Variants in PDGFD observed in about 807,000 individuals in gnomAD.
PDGFD encodes platelet derived growth factor D.
In PDGFD, 30 loss-of-function variants were observed where a neutral mutation model predicts 44.7. That is an observed-to-expected ratio of 0.67 (90% confidence interval 0.50 to 0.91). The LOEUF (loss-of-function observed/expected upper bound fraction) is 0.91. Among genes scored for constraint, PDGFD ranks in the 40% least tolerant of loss-of-function variants. The probability of loss-of-function intolerance (pLI) is 0.00; values close to 1 mark genes in which losing one functional copy is unlikely to be tolerated. For synonymous variants in PDGFD, 173 were observed against 168.4 expected, an observed-to-expected ratio of 1.03 and a Z score of -0.21; for missense variants, 445 against 457.8, an observed-to-expected ratio of 0.97 and a Z score of 0.25.
intron 1 of PDGFD, among the ~76,000 whole-genome samples, chr11:104,013,982 T>C (rs1859823342): frequency 6.6e-6 from 1 of 152,138 alleles, no homozygotes; most frequent in Admixed American, 6.5e-5. Flanking sequence ...CTAGGTTTTA[T>C]TCAGTAGATA....
intron 1 of PDGFD, among the ~76,000 whole-genome samples, chr11:104,030,651 T>G (rs1431689143): frequency 6.6e-6 from 1 of 152,214 alleles, no homozygotes; most frequent in East Asian, 1.9e-4. Flanking sequence ...ATGCATCCAT[T>G]TGGTTATAGA....
chr11:103,998,279 G>T lies in PDGFD; in HGVS notation c.329+1772C>A, dbSNP rs185363774. ...TGCCTTTTGGAAGTACCTGTTGGGA[G>T]GCCCCGAGGTAGCTTCAGAATGGAG... is the stretch of plus-strand genomic sequence containing the variant. On this transcript the variant is annotated intron_variant, in intron 2 of 6. Coordinates refer to ENST00000393158, the MANE Select transcript of PDGFD (RefSeq NM_025208.5). 5.8e-3 allele frequency among the ~76,000 whole-genome samples: 879 copies of T among 152,170 alleles called. 9 individuals are homozygous for T. The highest frequency in any genetic ancestry group is 0.02 in the African/African-American group (832 of 41,522).
Position 103,973,167 on chromosome 11 carries a change from C to A in PDGFD, c.510+22898G>T, listed in dbSNP as rs184568722. Among the ~76,000 whole-genome samples, 498 of 139,848 alleles carry A rather than the reference C, an allele frequency of 3.6e-3. 3 individuals are homozygous for A. Among genetic ancestry groups the A allele is most frequent in the Non-Finnish European group, 5.7e-3 (374 of 65,644 alleles). The allele number at this position is 139,848 out of a possible 152,430, so 91.7% of individuals were successfully genotyped here. A position where few individuals can be genotyped will look rare whatever the true frequency, so the allele number is the denominator to read the frequency against. On this transcript the variant is annotated intron_variant, in intron 3 of 6. Transcript: ENST00000393158. ...TTTTTTTTTTTTTTTGAGATGGAGT[C>A]TCACTCTGTCACCCAGGCTGCAGTG...
At chr11:103,962,608 T>A (rs1324369201) in intron 3 of PDGFD, among the ~76,000 whole-genome samples, 1 of 152,210 alleles carries the variant, frequency 6.6e-6, no homozygotes, top group Non-Finnish European at 1.5e-5. Flanking sequence ...CTGTTTTGGA[T>A]GGTAGAAAAG....
intron 3 of PDGFD, among the ~76,000 whole-genome samples, chr11:103,956,069 T>A (rs1388432780): frequency 2.5e-5 from 1 of 40,616 alleles, no homozygotes; most frequent in Non-Finnish European, 6.8e-5. Context: ...GTTTGGGAAT[T>A]TTTTTTTTTT....
At chr11:103,919,731 A>G (rs1479306498) in intron 6 of PDGFD, among the ~76,000 whole-genome samples, 1 of 150,802 alleles carries the variant, frequency 6.6e-6, no homozygotes, top group Admixed American at 6.6e-5. Context: ...CTGGTCTTGA[A>G]CTCCTGACCT....
At chr11:104,049,395 G>C (rs1452207440) in intron 1 of PDGFD, among the ~76,000 whole-genome samples, 2 of 152,190 alleles carry the variant, frequency 1.3e-5, no homozygotes, top group Admixed American at 1.3e-4. Context: ...AAAGAGAATG[G>C]TTAGGGTGGC....
Position 103,943,515 on chromosome 11 carries a change from C to A in PDGFD, c.709G>T (p.Glu237Ter). ...FNPESWQEDL[E>*]NMYLDTPRYR... ...CGAGGGGTGTCCAGATACATATTCTCAAGATCTTCTTGCCATGACTCTGGA... is the reference window on the plus strand; with the variant it reads ...CGAGGGGTGTCCAGATACATATTCTAAAGATCTTCTTGCCATGACTCTGGA... The change falls in exon 5 of 7, where the codon GAG becomes TAG. Residue 237 changes from glutamate (E) to a stop codon, truncating the protein, a stop_gained. Transcript: ENST00000393158. LOFTEE classifies it high-confidence loss of function. 2 of 1,613,368 alleles carry A rather than the reference C, an allele frequency of 1.2e-6. No individual in the cohort carries two copies. Among genetic ancestry groups the A allele is most frequent in the East Asian group, 2.2e-5 (1 of 44,866 alleles).
chr11:104,017,508 ATTC>A (rs1391818284), intron 1 of PDGFD, among the ~76,000 whole-genome samples: 3 of 152,168 alleles, frequency 2.0e-5, no homozygotes, highest in Admixed American at 6.5e-5. Flanking sequence ...CACTCAACAT[ATTC>A]TTCATCACTG....
At chr11:104,053,343 C>A (rs544822880) in intron 1 of PDGFD, among the ~76,000 whole-genome samples, 9 of 152,300 alleles carry the variant, frequency 5.9e-5, no homozygotes, top group African/African-American at 1.9e-4. Context: ...TGCAAAATAA[C>A]TGAAATTTAA....
At chr11:103,932,610 A>G (rs1463756562) in intron 5 of PDGFD, among the ~76,000 whole-genome samples, 1 of 152,200 alleles carries the variant, frequency 6.6e-6, no homozygotes, top group Non-Finnish European at 1.5e-5. Context: ...CCCTAATGTA[A>G]GGACCAAATG....
chr11:103,929,075 C>A (rs924905337), intron 5 of PDGFD, among the ~76,000 whole-genome samples: 2 of 152,182 alleles, frequency 1.3e-5, no homozygotes, highest in Non-Finnish European at 2.9e-5. Context: ...ACGCAAGCGG[C>A]AACACTGAGT....
intron 6 of PDGFD, among the ~76,000 whole-genome samples, chr11:103,910,620 C>A (rs1858012217): frequency 1.3e-5 from 2 of 152,242 alleles, no homozygotes; most frequent in Admixed American, 1.3e-4. Flanking sequence ...AGGAGATTTC[C>A]CCCAGTGCCT....
intron 6 of PDGFD, among the ~76,000 whole-genome samples, chr11:103,910,095 TATTA>T (rs10535439): frequency 0.46 from 69,468 of 151,850 alleles, 15,988 homozygotes; most frequent in South Asian, 0.49. Flanking sequence ...AGCAGGTATT[TATTA>T]ATAGCTTTCT....
At chr11:103,937,572 C>CT in intron 5 of PDGFD, among the ~76,000 whole-genome samples, 1 of 151,710 alleles carries the variant, frequency 6.6e-6, no homozygotes, top group African/African-American at 2.4e-5. Flanking sequence ...GATTATTATA[C>CT]TTTAAGTTTT....
chr11:103,974,199 C>T (rs1163390814), intron 3 of PDGFD, among the ~76,000 whole-genome samples: 1 of 152,162 alleles, frequency 6.6e-6, no homozygotes, highest in Non-Finnish European at 1.5e-5. Context: ...AAAAAAATCT[C>T]AGTACTTCTT....
intron 5 of PDGFD, among the ~76,000 whole-genome samples, chr11:103,937,576 A>AT: frequency 6.6e-6 from 1 of 151,940 alleles, no homozygotes; most frequent in African/African-American, 2.4e-5. Flanking sequence ...ATTATACTTT[A>AT]AGTTTTAGAG....
chr11:103,989,226 T>C (rs1859415161), intron 3 of PDGFD, among the ~76,000 whole-genome samples: 2 of 152,218 alleles, frequency 1.3e-5, no homozygotes, highest in African/African-American at 4.8e-5. Flanking sequence ...AAGAGAACAC[T>C]AGTTCATCAA....
intron 1 of PDGFD, among the ~76,000 whole-genome samples, chr11:104,018,413 G>T (rs1032411118): frequency 8.5e-5 from 13 of 152,146 alleles, no homozygotes; most frequent in Admixed American, 3.9e-4. Flanking sequence ...CACTTCGTTA[G>T]ATTTATGTCT....
Sources: gnomAD v4.1 joint callset for allele counts (sites outside exome capture counted in the v4.1 genomes callset) on GRCh38, gnomAD v4.1.1 for gene constraint, MANE v1.5 for transcripts, NCBI Gene and HGNC (gene_info 2026-07-23, HGNC 2026-07-21) for gene names.